Variants in RAB2A observed in about 807,000 individuals in gnomAD.
RAB2A encodes the protein RAB2A, member RAS oncogene family.
RAB2A carries 7 observed loss-of-function variants against 32.5 expected under a neutral mutation model. The observed-to-expected ratio is 0.22, with a 90% CI of 0.12 to 0.40. The LOEUF (loss-of-function observed/expected upper bound fraction) is 0.40, where lower values mean the gene tolerates loss of function less well. Among genes scored for constraint, RAB2A ranks in the 10% least tolerant of loss-of-function variants. The probability of loss-of-function intolerance (pLI) is 1.00; values close to 1 mark genes in which losing one functional copy is unlikely to be tolerated. For synonymous variants in RAB2A, 79 were observed against 85.2 expected, an observed-to-expected ratio of 0.93 and a Z score of 0.40; for missense variants, 108 against 260.7, an observed-to-expected ratio of 0.41 and a Z score of 4.03.
rs978089175 is a variant in RAB2A, at chr8:60,528,822, G to A, written c.46+11569G>A. On this transcript the variant is annotated intron_variant, in intron 1 of 7. Coordinates refer to ENST00000262646, the MANE Select transcript of RAB2A (RefSeq NM_002865.3). ...ACTCCTGGCCTCAAGTGATCCTCCCGCCTCAGCCCCCCGAAAGTGCTGGGA... is the reference window on the plus strand; with the variant it reads ...ACTCCTGGCCTCAAGTGATCCTCCCACCTCAGCCCCCCGAAAGTGCTGGGA... 5.3e-5 allele frequency among the ~76,000 whole-genome samples: 8 copies of A among 152,162 alleles called. No homozygotes were observed. In the East Asian group the frequency reaches 9.6e-4, roughly 18 times the overall value.
chr8:60,533,299 G>A (rs1280659584), intron 1 of RAB2A, among the ~76,000 whole-genome samples: 1 of 152,198 alleles, frequency 6.6e-6, no homozygotes, highest in African/African-American at 2.4e-5. Flanking sequence ...TGAAACTCTT[G>A]TTTTAAAGGA....
chr8:60,606,401 A>G (rs1008082974), intron 6 of RAB2A, among the ~76,000 whole-genome samples: 5 of 152,200 alleles, frequency 3.3e-5, no homozygotes, highest in Non-Finnish European at 5.9e-5. Flanking sequence ...TCCAGATGAT[A>G]TTGGTACCCA....
intron 1 of RAB2A, among the ~76,000 whole-genome samples, chr8:60,547,715 A>C (rs1194074233): frequency 2.2e-4 from 16 of 72,252 alleles, no homozygotes; most frequent in South Asian, 5.4e-4. Flanking sequence ...TGACCCCCCC[A>C]CCTCCCTCCC....
chr8:60,547,862 G>A (rs1400354490), intron 1 of RAB2A, among the ~76,000 whole-genome samples: 5 of 127,532 alleles, frequency 3.9e-5, no homozygotes, highest in East Asian at 2.5e-4. Context: ...TGGACGGGGC[G>A]GCTGGCCGGG....
intron 5 of RAB2A, among the ~76,000 whole-genome samples, chr8:60,589,269 A>G (rs977942629): frequency 1.3e-5 from 2 of 150,822 alleles, no homozygotes; most frequent in South Asian, 2.1e-4. Context: ...GAAGAAATAA[A>G]CAAAGCATAG....
chr8:60,545,635 A>T (rs1169008953), intron 1 of RAB2A, among the ~76,000 whole-genome samples: 4 of 152,180 alleles, frequency 2.6e-5, no homozygotes, highest in Non-Finnish European at 4.4e-5. Flanking sequence ...TTGACTTGGT[A>T]TTTAAATATT....
At chr8:60,529,579 A>G (rs1003488556) in intron 1 of RAB2A, among the ~76,000 whole-genome samples, 3 of 152,124 alleles carry the variant, frequency 2.0e-5, no homozygotes, top group Admixed American at 1.3e-4. Flanking sequence ...CAGGTATTTG[A>G]TATTAATTTT....
chr8:60,538,241 A>G lies in RAB2A; in HGVS notation c.47-20611A>G, dbSNP rs112515684. ...TTGCAAAAATACTGCACTTGAAGAC[A>G]AACTATGTCTTTCCTAAGAAAATTT... On this transcript the variant is annotated intron_variant, in intron 1 of 7. Coordinates refer to ENST00000262646, the MANE Select transcript of RAB2A (RefSeq NM_002865.3). Among the ~76,000 whole-genome samples the G allele has an allele frequency of 2.2e-3, 333 of 152,324 alleles. 1 individual carries two copies. Among genetic ancestry groups the G allele is most frequent in the African/African-American group, 7.5e-3 (311 of 41,578 alleles).
chr8:60,561,974 C>A (rs1456168366), intron 2 of RAB2A, among the ~76,000 whole-genome samples: 5 of 152,148 alleles, frequency 3.3e-5, no homozygotes, highest in Non-Finnish European at 7.4e-5. Flanking sequence ...GCCTCTCTTG[C>A]TTTCTCTCTT....
At chr8:60,609,095 A>C (rs1001906538) in intron 6 of RAB2A, among the ~76,000 whole-genome samples, 1 of 152,064 alleles carries the variant, frequency 6.6e-6, no homozygotes, top group African/African-American at 2.4e-5. Flanking sequence ...TTCAGCATCA[A>C]ACTCCTTAGC....
rs1244055588 is a variant in RAB2A at position 60,621,530 on chromosome 8, G to GT, written c.*764dup. ...TTAAGACCTCTTCAGAAAGGGATTTGTTTGCCTTAATGAATACTGTTGGGA... is the reference window on the plus strand; with the variant it reads ...TTAAGACCTCTTCAGAAAGGGATTTGTTTTGCCTTAATGAATACTGTTGGGA... On this transcript the variant is annotated 3_prime_UTR_variant, in exon 8 of 8. Coordinates refer to ENST00000262646, the MANE Select transcript of RAB2A (RefSeq NM_002865.3). The GT allele has an allele frequency of 6.6e-6, 1 of 152,080 alleles. No homozygotes were observed. The allele number at this position is 152,080 out of a possible 1,614,324, so 9.4% of individuals were successfully genotyped here.
chr8:60,589,600 G>A (rs1312563769), intron 5 of RAB2A, among the ~76,000 whole-genome samples: 1 of 152,134 alleles, frequency 6.6e-6, no homozygotes, highest in Non-Finnish European at 1.5e-5. Context: ...TGTAAGGGTT[G>A]TAATGCAAAC....
intron 2 of RAB2A, among the ~76,000 whole-genome samples, chr8:60,564,084 T>C (rs1808066843): frequency 6.6e-6 from 1 of 152,264 alleles, no homozygotes; most frequent in African/African-American, 2.4e-5. Flanking sequence ...TGTACTTTTA[T>C]TTCCATTATA....
At chr8:60,557,996 T>C (rs1807964340) in intron 1 of RAB2A, among the ~76,000 whole-genome samples, 1 of 152,244 alleles carries the variant, frequency 6.6e-6, no homozygotes, top group Non-Finnish European at 1.5e-5. Flanking sequence ...GACTGTAAGC[T>C]CTGTACACAG....
chr8:60,615,286 A>C (rs1234512451), intron 6 of RAB2A, among the ~76,000 whole-genome samples: 1 of 152,238 alleles, frequency 6.6e-6, no homozygotes, highest in Non-Finnish European at 1.5e-5. Flanking sequence ...GTATTGTGCT[A>C]GAGATTCAAA....
chr8:60,526,339 C>T (rs1195297809), intron 1 of RAB2A, among the ~76,000 whole-genome samples: 1 of 152,062 alleles, frequency 6.6e-6, no homozygotes, highest in Non-Finnish European at 1.5e-5. Flanking sequence ...ACCCACATCC[C>T]TTGGCCCATG....
intron 5 of RAB2A, among the ~76,000 whole-genome samples, chr8:60,585,647 C>G (rs965094981): frequency 1.3e-5 from 2 of 152,124 alleles, no homozygotes; most frequent in Non-Finnish European, 2.9e-5. Context: ...ATAAAATACT[C>G]TGAAGAGATG....
chr8:60,541,069 A>G (rs998607960), intron 1 of RAB2A, among the ~76,000 whole-genome samples: 2 of 152,188 alleles, frequency 1.3e-5, no homozygotes, highest in African/African-American at 4.8e-5. Context: ...GTCAACAGTG[A>G]TCAGTCACAT....
intron 1 of RAB2A, among the ~76,000 whole-genome samples, chr8:60,526,658 A>C (rs111539058): frequency 0.04 from 6,114 of 152,228 alleles, 380 homozygotes; most frequent in African/African-American, 0.13. Flanking sequence ...GCATTAGTCC[A>C]TTCTCACACT....
Sources: allele counts gnomAD v4.1 joint callset (sites outside exome capture counted in the v4.1 genomes callset), GRCh38; gene constraint gnomAD v4.1.1; transcripts MANE v1.5; gene names NCBI Gene and HGNC (gene_info 2026-07-23, HGNC 2026-07-21).